The following PDE11A variants were observed in gnomAD, a reference collection of about 807,000 sequenced individuals.
PDE11A encodes the protein phosphodiesterase 11A.
In PDE11A, 100 loss-of-function variants were observed where a neutral mutation model predicts 100.5. That is an observed-to-expected ratio of 1.00 (90% CI 0.85 to 1.18). The LOEUF is 1.18. Ranked by LOEUF, PDE11A falls within the 50% of genes most tolerant of loss-of-function variation. The pLI is 0.00. For synonymous variants in PDE11A, 381 were observed against 420.8 expected (o/e 0.91, Z 1.16); for missense variants, 1,141 against 1,152.6 (o/e 0.99, Z 0.15).
intron 1 of PDE11A, among the ~76,000 whole-genome samples, chr2:178,030,649 A>C (rs2086534167): frequency 6.6e-6 from 1 of 152,144 alleles, no homozygotes; most frequent in African/African-American, 2.4e-5. Flanking sequence ...GCCAACACAG[A>C]AAGATTGCTT....
intron 13 of PDE11A, among the ~76,000 whole-genome samples, chr2:177,705,939 A>T (rs1352051309): frequency 2.0e-5 from 3 of 152,198 alleles, no homozygotes; most frequent in Non-Finnish European, 4.4e-5. Context: ...ACTGATATTT[A>T]ATCATCAGGG....
At chr2:177,806,908 G>C (rs532839698) in intron 9 of PDE11A, among the ~76,000 whole-genome samples, 28 of 152,172 alleles carry the variant, frequency 1.8e-4, no homozygotes, top group Admixed American at 1.1e-3. Flanking sequence ...AAAAATGTCA[G>C]AGTGCCAGAG....
At chr2:177,783,369 G>A (rs2082482114) in intron 9 of PDE11A, among the ~76,000 whole-genome samples, 1 of 152,108 alleles carries the variant, frequency 6.6e-6, no homozygotes, top group Non-Finnish European at 1.5e-5. Flanking sequence ...TTATTTATTA[G>A]CTCAGTGGTT....
chr2:177,629,891 G>A (rs1312187853), intron 19 of PDE11A, among the ~76,000 whole-genome samples: 1 of 152,148 alleles, frequency 6.6e-6, no homozygotes, highest in Non-Finnish European at 1.5e-5. Context: ...GCTCACATAT[G>A]CCTACTTACG....
intron 10 of PDE11A, among the ~76,000 whole-genome samples, chr2:177,762,154 G>A (rs1486662610): frequency 6.6e-6 from 1 of 152,130 alleles, no homozygotes; most frequent in South Asian, 2.1e-4. Flanking sequence ...GCATGTGGGG[G>A]CGGGCAGTGA....
At chr2:178,096,415 C>T (rs912307995) in intron 2 of PDE11A, among the ~76,000 whole-genome samples, 1 of 151,428 alleles carries the variant, frequency 6.6e-6, no homozygotes. Flanking sequence ...CCTCATGATC[C>T]GCCCGCCTCG....
At chr2:177,694,574 A>G (rs1276487625) in intron 15 of PDE11A, among the ~76,000 whole-genome samples, 1 of 152,224 alleles carries the variant, frequency 6.6e-6, no homozygotes, top group Non-Finnish European at 1.5e-5. Context: ...TTTATACTTG[A>G]AAGAAAGGCT....
At chr2:177,888,436 C>T (rs1387769323) in intron 4 of PDE11A, among the ~76,000 whole-genome samples, 4 of 151,974 alleles carry the variant, frequency 2.6e-5, no homozygotes, top group Admixed American at 1.3e-4. Context: ...TTATACCCCA[C>T]ACAAAAACAT....
intron 19 of PDE11A, among the ~76,000 whole-genome samples, chr2:177,655,184 T>G (rs758396823): frequency 1.6e-4 from 24 of 152,236 alleles, no homozygotes; most frequent in Non-Finnish European, 2.5e-4. Flanking sequence ...TATGGATTCA[T>G]GGCACTGTTT....
chr2:178,067,432 T>C lies in PDE11A; in HGVS notation c.912+4094A>G, dbSNP rs188959164. On this transcript the variant is annotated intron_variant, in intron 1 of 19. Transcript: ENST00000286063. Reference sequence around the variant, plus strand: ...CTATGACAATAGAATGTCATATATATGCAATATGCAATATTTTGGCCAAAT... The same window carrying C: ...CTATGACAATAGAATGTCATATATACGCAATATGCAATATTTTGGCCAAAT... Among the ~76,000 whole-genome samples, 45 of 152,322 alleles carry C rather than the reference T, an allele frequency of 3.0e-4. 1 individual carries two copies. The highest frequency in any genetic ancestry group is 1.0e-3 in the African/African-American group (42 of 41,564).
At chr2:178,042,468 A>C (rs2086695400) in intron 1 of PDE11A, among the ~76,000 whole-genome samples, 2 of 93,820 alleles carry the variant, frequency 2.1e-5, no homozygotes, top group Non-Finnish European at 2.3e-5. Flanking sequence ...ACAGAGCAAG[A>C]CTCTGTCTCA....
chr2:177,910,478 T>C (rs2084863269), intron 2 of PDE11A, among the ~76,000 whole-genome samples: 1 of 152,010 alleles, frequency 6.6e-6, no homozygotes, highest in Admixed American at 6.6e-5. Flanking sequence ...TGCTCTATTC[T>C]GCTATTCTGC....
At chr2:177,794,998 G>A (rs1269763905) in intron 9 of PDE11A, among the ~76,000 whole-genome samples, 1 of 152,054 alleles carries the variant, frequency 6.6e-6, no homozygotes, top group Admixed American at 6.6e-5. Flanking sequence ...TGTTGACCAG[G>A]CTGGTCTTGA....
chr2:177,681,353 A>AT (rs1486108878), intron 15 of PDE11A, among the ~76,000 whole-genome samples: 2 of 152,144 alleles, frequency 1.3e-5, no homozygotes, highest in African/African-American at 4.8e-5. Context: ...AGATAAATAT[A>AT]TTTTTTTCCA....
At chr2:178,071,391 A>C in intron 1 of PDE11A, 135 bp downstream of exon 1, 1 of 1,057,906 alleles carries the variant, frequency 9.5e-7, no homozygotes, top group Non-Finnish European at 1.4e-6. Context: ...ACTAGTCTAA[A>C]CTCGGGAATT....
chr2:177,659,251 A>C (rs1354691381), intron 19 of PDE11A, among the ~76,000 whole-genome samples: 2 of 140,866 alleles, frequency 1.4e-5, no homozygotes, highest in Non-Finnish European at 3.1e-5. Context: ...ACAAGAGCAA[A>C]ATTCTATCTC....
Position 177,728,158 on chromosome 2 carries a change from A to T in PDE11A, c.1803T>A (p.Pro601=). Residue 601 remains proline (P), a synonymous_variant, in exon 11 of 20, where the codon CCT becomes CCA. Transcript: ENST00000286063. Reference sequence around the variant, plus strand: ...CATCGATGGCAAGTTCTGACACCAGAGGGATGTTGGCTGCCTAGAAAAGCA... The same window carrying T: ...CATCGATGGCAAGTTCTGACACCAGTGGGATGTTGGCTGCCTAGAAAAGCA... ...EVDKFKAANI[P]LVSELAIDDI... 6.2e-7 allele frequency: 1 copy of T among 1,613,386 alleles called. No homozygotes were observed.
intron 10 of PDE11A, among the ~76,000 whole-genome samples, chr2:177,762,760 G>C (rs962744138): frequency 6.6e-6 from 1 of 152,208 alleles, no homozygotes; most frequent in African/African-American, 2.4e-5. Context: ...CTTCTGGGGA[G>C]AGTGTCCTCG....
chr2:178,071,467 G>A (rs1261763175), intron 1 of PDE11A, 59 bp downstream of exon 1: 4 of 1,607,174 alleles, frequency 2.5e-6, no homozygotes, highest in African/African-American at 2.7e-5. Context: ...GATGATAACC[G>A]AAGGCTTATC....
Sources: gnomAD v4.1 joint callset for allele counts (sites outside exome capture counted in the v4.1 genomes callset) on GRCh38, gnomAD v4.1.1 for gene constraint, MANE v1.5 for transcripts, NCBI Gene and HGNC (gene_info 2026-07-23, HGNC 2026-07-21) for gene names.